RAD51B: variants seen among roughly 807,000 people sequenced by gnomAD.
RAD51B encodes DNA repair protein RAD51 homolog 2.
RAD51B carries 38 observed loss-of-function variants against 42.2 expected under a neutral mutation model. The ratio of observed to expected loss-of-function variants is 0.90; its 90% CI spans 0.70 to 1.18. RAD51B has a LOEUF of 1.18. Ranked by LOEUF, RAD51B falls within the 50% of genes most tolerant of loss-of-function variation. The pLI is 0.00. For missense variants in RAD51B, 373 were observed against 400.7 expected, an observed-to-expected ratio of 0.93 and a Z score of 0.59; for synonymous variants, 154 against 145.2, an observed-to-expected ratio of 1.06 and a Z score of -0.43.
intron 8 of RAD51B, among the ~76,000 whole-genome samples, chr14:68,301,888 C>T (rs754401563): frequency 2.2e-4 from 34 of 152,180 alleles, no homozygotes; most frequent in Non-Finnish European, 4.0e-4. Flanking sequence ...TGAACCACTG[C>T]GCTTGGCCAG....
intron 7 of RAD51B, among the ~76,000 whole-genome samples, chr14:68,145,908 T>C (rs1472387703): frequency 6.6e-6 from 1 of 152,262 alleles, no homozygotes; most frequent in East Asian, 1.9e-4. Context: ...TAGAATATTA[T>C]GTTTACATTT....
intron 7 of RAD51B, 69 bp downstream of exon 7, chr14:67,887,273 T>G (rs543824825): frequency 6.2e-6 from 8 of 1,290,398 alleles, no homozygotes; most frequent in Non-Finnish European, 8.6e-6. Flanking sequence ...ATTCACTGAC[T>G]TATGGTATCA....
At chr14:67,980,035 A>G (rs112717012) in intron 7 of RAD51B, among the ~76,000 whole-genome samples, 89 of 152,328 alleles carry the variant, frequency 5.8e-4, no homozygotes, top group African/African-American at 2.1e-3. Flanking sequence ...TTTAGAATTA[A>G]TGGTTTTATC....
At position 68,583,114 on chromosome 14, in the gene RAD51B, C is replaced by A. The variant is rs189687188; in HGVS notation, c.1037-11371C>A. Among the ~76,000 whole-genome samples, 1,137 of 152,160 alleles carry A rather than the reference C, an allele frequency of 7.5e-3. 16 individuals are homozygous for A. The highest frequency in any genetic ancestry group is 0.026 in the African/African-American group (1,059 of 41,506). ...TGTATACCAGTGTAACAAATCTGCACGTTCTGCACATGTATCCCAGAACTT... is the reference window on the plus strand; with the variant it reads ...TGTATACCAGTGTAACAAATCTGCAAGTTCTGCACATGTATCCCAGAACTT... On this transcript the variant is annotated intron_variant, in intron 10 of 10. Transcript: ENST00000487270.
chr14:68,390,888 T>C lies in RAD51B; in HGVS notation c.854-20536T>C, dbSNP rs111435087. The stretch of plus-strand genomic sequence containing the variant: ...GATTAGGGTGTCCTCTAGACCTCAT[T>C]ACACTAATGCAGTCCCTGGTAGGAT... On this transcript the variant is annotated intron_variant, in intron 8 of 10. Transcript: ENST00000471583. Among the ~76,000 whole-genome samples, 806 of 152,296 alleles carry C rather than the reference T, an allele frequency of 5.3e-3. 9 individuals are homozygous for C. The highest frequency in any genetic ancestry group is 0.031 in the Middle Eastern group (9 of 294).
intron 3 of RAD51B, among the ~76,000 whole-genome samples, chr14:67,829,930 G>A (rs1196840865): frequency 6.6e-6 from 1 of 152,178 alleles, no homozygotes; most frequent in African/African-American, 2.4e-5. Flanking sequence ...GGGGTCAGGA[G>A]GACCCTTGCA....
Position 67,851,288 on chromosome 14 carries a change from G to C in RAD51B, c.316-13715G>C, listed in dbSNP as rs114699593. Among the ~76,000 whole-genome samples, 1,156 of 152,186 alleles carry C rather than the reference G, an allele frequency of 7.6e-3. 21 individuals are homozygous for C. The highest frequency in any genetic ancestry group is 0.027 in the African/African-American group (1,110 of 41,490). ...GGGGCTGGATTGTTGGGGAGCCTCA[G>C]GTCCTGGCTGTGATGGGAAGGGGTG... is the stretch of plus-strand genomic sequence containing the variant. On this transcript the variant is annotated intron_variant, in intron 4 of 10. Transcript: ENST00000471583.
chr14:68,109,092 G>C (rs1462461530), intron 7 of RAD51B, among the ~76,000 whole-genome samples: 1 of 151,860 alleles, frequency 6.6e-6, no homozygotes, highest in Admixed American at 6.6e-5. Flanking sequence ...ACCAAGAGTG[G>C]CATATTGTTG....
chr14:68,531,131 T>A (rs1887277600), intron 10 of RAD51B, among the ~76,000 whole-genome samples: 1 of 133,604 alleles, frequency 7.5e-6, no homozygotes, highest in African/African-American at 2.8e-5. Flanking sequence ...ATAGAAAATC[T>A]CACCAACCTA....
intron 9 of RAD51B, among the ~76,000 whole-genome samples, chr14:68,465,949 A>AAAAAAAAT (rs1555414301): frequency 0.017 from 1,743 of 99,998 alleles, 56 homozygotes; most frequent in African/African-American, 0.057. Flanking sequence ...TCAAAAAAAA[A>AAAAAAAAT]AAAAATAAAT....
intron 10 of RAD51B, among the ~76,000 whole-genome samples, chr14:68,583,691 C>A (rs1321095521): frequency 6.6e-6 from 1 of 152,162 alleles, no homozygotes; most frequent in Non-Finnish European, 1.5e-5. Context: ...TGTGCAAGCT[C>A]CGCAGTGCCC....
chr14:68,621,790 A>G (rs1369344409), intron 10 of RAD51B, among the ~76,000 whole-genome samples: 4 of 27,794 alleles, frequency 1.4e-4, no homozygotes, highest in Non-Finnish European at 2.3e-4. Flanking sequence ...TAGCAAGAAT[A>G]AAACAAGCTG....
intron 7 of RAD51B, among the ~76,000 whole-genome samples, chr14:67,926,288 T>G (rs1056225991): frequency 1.3e-5 from 2 of 152,148 alleles, no homozygotes; most frequent in Non-Finnish European, 2.9e-5. Context: ...GCTTAGAAAT[T>G]TTTTACACCA....
intron 7 of RAD51B, among the ~76,000 whole-genome samples, chr14:68,094,492 T>A (rs1000423030): frequency 1.3e-5 from 2 of 152,234 alleles, no homozygotes; most frequent in African/African-American, 4.8e-5. Flanking sequence ...TATGAAAATT[T>A]AAAACACACA....
intron 8 of RAD51B, among the ~76,000 whole-genome samples, chr14:68,401,971 C>T (rs1026788589): frequency 6.6e-6 from 1 of 152,184 alleles, no homozygotes; most frequent in African/African-American, 2.4e-5. Flanking sequence ...ATTTATAGAG[C>T]TAGGTCAGAA....
chr14:68,024,276 C>T (rs1329032006), intron 7 of RAD51B, among the ~76,000 whole-genome samples: 1 of 152,126 alleles, frequency 6.6e-6, no homozygotes, highest in Non-Finnish European at 1.5e-5. Context: ...TAGTGTAATG[C>T]TTCCAGCTTT....
chr14:68,414,858 CT>C (rs1174327385), intron 9 of RAD51B, among the ~76,000 whole-genome samples: 53 of 71,792 alleles, frequency 7.4e-4, no homozygotes, highest in African/African-American at 3.4e-3. Flanking sequence ...CCCATCTCTA[CT>C]AAAAAAAAAA....
intron 10 of RAD51B, among the ~76,000 whole-genome samples, chr14:68,617,310 G>A (rs556350658): frequency 1.1e-4 from 16 of 152,100 alleles, no homozygotes; most frequent in Non-Finnish European, 2.2e-4. Flanking sequence ...TTATTCTAGG[G>A]ATAGTTCAGT....
intron 7 of RAD51B, among the ~76,000 whole-genome samples, chr14:68,008,198 G>T (rs901033050): frequency 2.0e-5 from 3 of 151,862 alleles, no homozygotes; most frequent in African/African-American, 7.2e-5. Context: ...ACTCATGCCA[G>T]TATCATCTTT....
Sources: gnomAD v4.1 joint callset for allele counts (sites outside exome capture counted in the v4.1 genomes callset) on GRCh38, gnomAD v4.1.1 for gene constraint, MANE v1.5 for transcripts, NCBI Gene and HGNC (gene_info 2026-07-23, HGNC 2026-07-21) for gene names.